Variants in FLRT2 observed in about 807,000 individuals in gnomAD.
The protein encoded by FLRT2 is fibronectin leucine rich transmembrane protein 2.
FLRT2 carries 15 observed loss-of-function variants against 40.0 expected under a neutral mutation model. The ratio of observed to expected loss-of-function variants is 0.38; its 90% CI spans 0.25 to 0.58. The LOEUF is 0.58. Among genes scored for constraint, FLRT2 ranks in the 20% least tolerant of loss-of-function variants. The pLI is 0.71. For synonymous variants in FLRT2, 380 were observed against 336.8 expected, an observed-to-expected ratio of 1.13 and a Z score of -1.41; for missense variants, 726 against 840.0, an observed-to-expected ratio of 0.86 and a Z score of 1.68.
Position 85,565,863 on chromosome 14 carries a change from G to A in FLRT2, c.-377+35329G>A, listed in dbSNP as rs192654303. On this transcript the variant is annotated intron_variant, in intron 1 of 1. Coordinates refer to ENST00000330753, the MANE Select transcript of FLRT2 (RefSeq NM_013231.6). ...ATTTATGATAAAATACCCACCATGA[G>A]GTCTTATCTTAATGGAGAAAACACA... Among the ~76,000 whole-genome samples the A allele has an allele frequency of 8.6e-3, 1,309 of 152,230 alleles. 13 individuals carry two copies. The highest frequency in any genetic ancestry group is 0.03 in the African/African-American group (1,253 of 41,526).
Position 85,643,307 on chromosome 14 carries a change from CT to C in FLRT2, c.*19813del, listed in dbSNP as rs1894200618. 2.1e-5 allele frequency: 2 copies of C among 95,236 alleles called. No homozygotes were observed. Among genetic ancestry groups the C allele is most frequent in the East Asian group, 3.3e-4 (1 of 3,028 alleles). The allele number at this position is 95,236 out of a possible 1,614,324, so 5.9% of individuals were successfully genotyped here. ...ATTTCTTTTTTTTCTTTCTTTCTTT[CT>C]TTCTTTCTTTCTTTCTTTCTTTCTT... On this transcript the variant is annotated 3_prime_UTR_variant, in exon 2 of 2. Transcript: ENST00000330753.
At chr14:85,608,532 C>G in intron 1 of FLRT2, among the ~76,000 whole-genome samples, 1 of 152,076 alleles carries the variant, frequency 6.6e-6, no homozygotes, top group Non-Finnish European at 1.5e-5. Flanking sequence ...CCTTGCCCAG[C>G]TGATAAATGA....
intron 1 of FLRT2, among the ~76,000 whole-genome samples, chr14:85,606,149 T>G (rs1892603227): frequency 6.6e-6 from 1 of 152,222 alleles, no homozygotes; most frequent in Non-Finnish European, 1.5e-5. Context: ...AAGGTATAAG[T>G]GGCATCACAT....
At chr14:85,615,915 TGCTCCTGGAATACAG>T (rs1202935798) in intron 1 of FLRT2, among the ~76,000 whole-genome samples, 3 of 152,228 alleles carry the variant, frequency 2.0e-5, no homozygotes, top group African/African-American at 7.2e-5. Context: ...GTTTATTAAG[TGCTCCTGGAATACAG>T]GCTCCTGGAA....
intron 1 of FLRT2, among the ~76,000 whole-genome samples, chr14:85,574,220 G>A (rs918460021): frequency 6.6e-6 from 1 of 151,518 alleles, no homozygotes; most frequent in East Asian, 1.9e-4. Context: ...CATAAAAATA[G>A]AGGATAAATG....
Position 85,623,545 on chromosome 14 carries a change from A to G in FLRT2, c.*48A>G. On this transcript the variant is annotated 3_prime_UTR_variant, in exon 2 of 2. Coordinates refer to ENST00000330753, the MANE Select transcript of FLRT2 (RefSeq NM_013231.6). ...AAGGCGGACAATTAGACTCTTGAGA[A>G]CACACTCGTGTGTGCACATAAAGAC... is the stretch of plus-strand genomic sequence containing the variant. The G allele has an allele frequency of 7.3e-7, 1 of 1,378,480 alleles. No individual in the cohort carries two copies. The highest frequency in any genetic ancestry group is 9.5e-7 in the Non-Finnish European group (1 of 1,054,058). 85.4% of individuals were successfully genotyped at this position (1,378,480 alleles called of 1,614,324 possible).
At chr14:85,583,881 T>C (rs1371712133) in intron 1 of FLRT2, among the ~76,000 whole-genome samples, 3 of 151,890 alleles carry the variant, frequency 2.0e-5, no homozygotes, top group Non-Finnish European at 4.4e-5. Flanking sequence ...TCCCAGCTAC[T>C]TGGGGGCCTG....
chr14:85,586,337 A>G (rs1891612140), intron 1 of FLRT2, among the ~76,000 whole-genome samples: 1 of 152,098 alleles, frequency 6.6e-6, no homozygotes, highest in Admixed American at 6.6e-5. Context: ...CTGGAGCCTG[A>G]GTTTTCTTAC....
Position 85,634,595 on chromosome 14 carries a change from A to C in FLRT2, c.*11098A>C, listed in dbSNP as rs564380977. On this transcript the variant is annotated 3_prime_UTR_variant, in exon 2 of 2. Coordinates refer to ENST00000330753, the MANE Select transcript of FLRT2 (RefSeq NM_013231.6). The stretch of plus-strand genomic sequence containing the variant: ...AACATGATGAATCTTTTAAATTCTG[A>C]GTCCAATGCTGTCTACATCTAAATT... 1 of 152,308 alleles carries C rather than the reference A, an allele frequency of 6.6e-6. No homozygotes were observed. Among genetic ancestry groups the C allele is most frequent in the African/African-American group, 2.4e-5 (1 of 41,574 alleles). 9.4% of individuals were successfully genotyped at this position (152,308 alleles called of 1,614,324 possible).
intron 1 of FLRT2, among the ~76,000 whole-genome samples, chr14:85,538,024 A>T (rs1003022553): frequency 3.3e-5 from 5 of 152,158 alleles, no homozygotes; most frequent in Non-Finnish European, 5.9e-5. Context: ...AAAGTTCTGT[A>T]AAACATCTTT....
rs1893561871 is a variant in FLRT2, at chr14:85,624,148, AGGGGTT to A, written c.*654_*659del. ...GAGATTTGAAAGGACCCGAAAATGC[AGGGGTT>A]GGCTTTCTGACTGGGAACTTAAAAA... On this transcript the variant is annotated 3_prime_UTR_variant, in exon 2 of 2. Transcript: ENST00000330753. The A allele has an allele frequency of 6.0e-6, 1 of 166,940 alleles. No homozygotes were observed. Among genetic ancestry groups the A allele is most frequent in the African/African-American group, 2.4e-5 (1 of 41,438 alleles). 10.3% of individuals were successfully genotyped at this position (166,940 alleles called of 1,614,324 possible). A position where few individuals can be genotyped will look rare whatever the true frequency, so the allele number is the denominator to read the frequency against.
intron 1 of FLRT2, among the ~76,000 whole-genome samples, chr14:85,553,530 A>T (rs1056390251): frequency 2.0e-5 from 3 of 152,166 alleles, no homozygotes; most frequent in Non-Finnish European, 4.4e-5. Context: ...TTGTTGGCCC[A>T]TGGGCTGTGG....
rs1890752587 is a variant in FLRT2 at position 85,568,771 on chromosome 14, C to CCAAACTCTTCCAAAAGTT, written c.-377+38237_-377+38238insCAAACTCTTCCAAAAGTT. 9.8e-5 allele frequency among the ~76,000 whole-genome samples: 15 copies of CCAAACTCTTCCAAAAGTT among 152,306 alleles called. No homozygotes were observed. In the South Asian group the frequency reaches 3.1e-3, roughly 32 times the overall value. On this transcript the variant is annotated intron_variant, in intron 1 of 1. Coordinates refer to ENST00000330753, the MANE Select transcript of FLRT2 (RefSeq NM_013231.6). ...TCTGGGATCTTTACCTTTCTTCTCT[C>CCAAACTCTTCCAAAAGTT]ACCTACTTAACTTTTGGAAACCCAG...
intron 1 of FLRT2, among the ~76,000 whole-genome samples, chr14:85,602,489 G>A (rs757728040): frequency 2.6e-5 from 4 of 152,220 alleles, no homozygotes; most frequent in African/African-American, 4.8e-5. Flanking sequence ...GATTGATTAC[G>A]TTATGTGCTC....
rs1030599703 is a variant in FLRT2, at chr14:85,631,557, T to G, written c.*8060T>G. Reference sequence around the variant, plus strand: ...TATGGCCAGATGGCTCTTTTTTTAATAGCCCCAGAAAGAGCTGTGGAGTTC... The same window carrying G: ...TATGGCCAGATGGCTCTTTTTTTAAGAGCCCCAGAAAGAGCTGTGGAGTTC... On this transcript the variant is annotated 3_prime_UTR_variant, in exon 2 of 2. Coordinates refer to ENST00000330753, the MANE Select transcript of FLRT2 (RefSeq NM_013231.6). The G allele has an allele frequency of 6.6e-6, 1 of 152,128 alleles. No individual in the cohort carries two copies. Among genetic ancestry groups the G allele is most frequent in the African/African-American group, 2.4e-5 (1 of 41,430 alleles). 9.4% of individuals were successfully genotyped at this position (152,128 alleles called of 1,614,324 possible).
At chr14:85,591,308 G>T (rs938864597) in intron 1 of FLRT2, among the ~76,000 whole-genome samples, 4 of 152,152 alleles carry the variant, frequency 2.6e-5, no homozygotes, top group Non-Finnish European at 5.9e-5. Context: ...TTTTCTCAGG[G>T]ATAGGCCCTT....
In FLRT2 at chr14:85,650,880, C is replaced by T. The variant is rs746794087; in HGVS notation, c.*27383C>T. 20 of 151,404 alleles carry T rather than the reference C, an allele frequency of 1.3e-4. No individual in the cohort carries two copies. Among genetic ancestry groups the T allele is most frequent in the Non-Finnish European group, 2.4e-4 (16 of 67,916 alleles). The allele number at this position is 151,404 out of a possible 1,614,324, so 9.4% of individuals were successfully genotyped here. A position where few individuals can be genotyped will look rare whatever the true frequency, so the allele number is the denominator to read the frequency against. On this transcript the variant is annotated 3_prime_UTR_variant, in exon 2 of 2. Coordinates refer to ENST00000330753, the MANE Select transcript of FLRT2 (RefSeq NM_013231.6). ...CTTTTTTTAAGAGACAAGGTCTTAC[C>T]CTGTCATCCAGGCTAGGATGCAGTA...
chr14:85,561,557 A>G (rs1320194983), intron 1 of FLRT2, among the ~76,000 whole-genome samples: 1 of 152,186 alleles, frequency 6.6e-6, no homozygotes, highest in Non-Finnish European at 1.5e-5. Flanking sequence ...CGAATGTTGG[A>G]AATGTTCTAG....
At chr14:85,603,901 G>A (rs915688622) in intron 1 of FLRT2, among the ~76,000 whole-genome samples, 2 of 152,128 alleles carry the variant, frequency 1.3e-5, no homozygotes, top group Non-Finnish European at 2.9e-5. Context: ...GAACAGATCC[G>A]AAATTAAATG....
Sources: gnomAD v4.1 joint callset for allele counts (sites outside exome capture counted in the v4.1 genomes callset) on GRCh38, gnomAD v4.1.1 for gene constraint, MANE v1.5 for transcripts, NCBI Gene and HGNC (gene_info 2026-07-23, HGNC 2026-07-21) for gene names.